Variants in PLPPR2 observed in about 807,000 individuals in gnomAD.
PLPPR2 encodes the protein phospholipid phosphatase-related protein type 2.
In PLPPR2, 11 loss-of-function variants were observed where a neutral mutation model predicts 40.3. That is an observed-to-expected ratio of 0.27 (90% confidence interval 0.17 to 0.45). The LOEUF (loss-of-function observed/expected upper bound fraction) is 0.45. Ranked by LOEUF, PLPPR2 falls within the 20% of genes least tolerant of loss-of-function variation. The probability of loss-of-function intolerance (pLI) is 1.00; values close to 1 mark genes in which losing one functional copy is unlikely to be tolerated. For missense variants in PLPPR2, 497 were observed against 640.7 expected (o/e 0.78, Z 2.42); for synonymous variants, 260 against 290.8 (o/e 0.89, Z 1.08).
At chr19:11,357,771 C>T (rs761640526) in intron 3 of PLPPR2, 32 bp downstream of exon 3, 10 of 1,548,048 alleles carry the variant, frequency 6.5e-6, no homozygotes, top group South Asian at 4.7e-5. Flanking sequence ...CCAGAGACGG[C>T]GTGCCTATCT....
chr19:11,357,760 C>A, intron 3 of PLPPR2, 21 bp downstream of exon 3: 1 of 1,579,328 alleles, frequency 6.3e-7, no homozygotes, highest in Non-Finnish European at 8.6e-7. Context: ...CCGTACCTCT[C>A]CCAGAGACGG....
rs1383736923 is a variant in PLPPR2 at position 11,364,554 on chromosome 19, G to T, written c.1223G>T (p.Gly408Val). 5.9e-6 allele frequency: 9 copies of T among 1,536,640 alleles called. No homozygotes were observed. The East Asian group carries it at 2.2e-4, about 38-fold the overall frequency. The change falls in exon 10 of 10, where the codon GGT becomes GTT. Residue 408 changes from glycine (G) to valine (V), a missense_variant. By Grantham distance (109) the Gly-to-Val change is moderately radical. Transcript: ENST00000688289. This position sits in a 1 kb window ranked among gnomAD's most constrained non-coding sequence, Gnocchi z 5.8. ...SPGPGGPGGGGGRGRKLLLPT... is the reference protein window; with the variant it reads ...SPGPGGPGGGVGRGRKLLLPT... ...GGACCTGGGGGGCCAGGCGGGGGTG[G>T]TGGACGTGGCCGGAAGCTGCTGCTG...
rs1968076802 is a variant in PLPPR2, at chr19:11,362,490, C to G, written c.664-23C>G. On this transcript the variant is annotated intron_variant, in intron 6 of 9. Transcript: ENST00000688289. This position sits in a 1 kb window ranked among gnomAD's most constrained non-coding sequence, Gnocchi z 5.3. ...TCGGCGACTTGCCTCCGCTATCCCCCTGACCAGTCCGGCTCCCCGCAGATG... is the reference window on the plus strand; with the variant it reads ...TCGGCGACTTGCCTCCGCTATCCCCGTGACCAGTCCGGCTCCCCGCAGATG... The G allele has an allele frequency of 6.2e-7, 1 of 1,607,178 alleles. No homozygotes were observed. Among genetic ancestry groups the G allele is most frequent in the Non-Finnish European group, 8.5e-7 (1 of 1,179,926 alleles).
Position 11,364,708 on chromosome 19 carries a change from A to G in PLPPR2, c.*18A>G. ...TGCTGTGAGGCCCGACCACCCACCC[A>G]GAATCTGCCCAGTCCCCACTTCTTC... On this transcript the variant is annotated 3_prime_UTR_variant, in exon 10 of 10. Coordinates refer to ENST00000688289, the MANE Select transcript of PLPPR2 (RefSeq NM_001393892.1). The surrounding 1 kb of genome is among the most constrained non-coding windows in gnomAD (Gnocchi z 5.8). 6.5e-7 allele frequency: 1 copy of G among 1,536,810 alleles called. No individual in the cohort carries two copies. The highest frequency in any genetic ancestry group is 8.7e-7 in the Non-Finnish European group (1 of 1,146,758).
chr19:11,360,315 G>C (rs943173418), intron 5 of PLPPR2, among the ~76,000 whole-genome samples: 1 of 151,684 alleles, frequency 6.6e-6, no homozygotes, highest in Non-Finnish European at 1.5e-5. Flanking sequence ...AAGAATTCCA[G>C]GGAAAAGCTG....
At position 11,364,294 on chromosome 19, in the gene PLPPR2, T is replaced by TA. The variant is rs1555714737; in HGVS notation, c.1016-52dup. On this transcript the variant is annotated intron_variant, in intron 9 of 9. Transcript: ENST00000688289. This position sits in a 1 kb window ranked among gnomAD's most constrained non-coding sequence, Gnocchi z 5.8. ...GCCCCAGAGGTCTCACCTAGGCCTT[T>TA]ATGCTGCCTCCCGAGTTTTCTGATC... 4.6e-6 allele frequency: 7 copies of TA among 1,534,992 alleles called. No individual in the cohort carries two copies. Among genetic ancestry groups the TA allele is most frequent in the Admixed American group, 2.1e-5 (1 of 46,748 alleles).
rs760019245 is a variant in PLPPR2, at chr19:11,361,247, C to T, written c.422C>T (p.Thr141Ile). The T allele has an allele frequency of 1.2e-6, 2 of 1,612,396 alleles. No homozygotes were observed. The highest frequency in any genetic ancestry group is 1.7e-6 in the Non-Finnish European group (2 of 1,179,846). Residue 141 changes from threonine to isoleucine, a missense_variant, in exon 6 of 10, where the codon ACC becomes ATC. By Grantham distance (89) the Thr-to-Ile change is moderately conservative (BLOSUM62 -1). Coordinates refer to ENST00000688289, the MANE Select transcript of PLPPR2 (RefSeq NM_001393892.1). The surrounding 1 kb of genome is among the most constrained non-coding windows in gnomAD (Gnocchi z 6.3). ...TACTCCTTCGGCCTCTTCACCACGA[C>T]CATCTTCGCCAACGCGGGGCAGGTG... ...GVYSFGLFTTTIFANAGQVVT... is the reference protein window; with the variant it reads ...GVYSFGLFTTIIFANAGQVVT...
chr19:11,364,400 A>G lies in PLPPR2; in HGVS notation c.1069A>G (p.Arg357Gly). ...CCTGATCCCCAGCTGTGTCTCCTCC[A>G]GGGCCCCAGCCATGTGTTCGTCGCC... ...GHLIPSCVSSRAPAMCSSPRV... is the reference protein window; with the variant it reads ...GHLIPSCVSSGAPAMCSSPRV... The change falls in exon 10 of 10, where the codon AGG (arginine) becomes GGG (glycine). Residue 357 changes from arginine to glycine, a missense_variant. Physicochemically the swap from Arg to Gly is moderately radical, Grantham distance 125. Coordinates refer to ENST00000688289, the MANE Select transcript of PLPPR2 (RefSeq NM_001393892.1). The surrounding 1 kb of genome is among the most constrained non-coding windows in gnomAD (Gnocchi z 5.8). 2 of 1,519,232 alleles carry G rather than the reference A, an allele frequency of 1.3e-6. No individual in the cohort carries two copies. The highest frequency in any genetic ancestry group is 1.8e-6 in the Non-Finnish European group (2 of 1,134,940). 94.1% of individuals were successfully genotyped at this position (1,519,232 alleles called of 1,614,324 possible).
rs1363428754 is a variant in PLPPR2, at chr19:11,362,088, TAGGGGTC to T, written c.664-419_664-413del. 1.3e-5 allele frequency among the ~76,000 whole-genome samples: 2 copies of T among 152,130 alleles called. No homozygotes were observed. The highest frequency in any genetic ancestry group is 1.3e-4 in the Admixed American group (2 of 15,286). On this transcript the variant is annotated intron_variant, in intron 6 of 9. Coordinates refer to ENST00000688289, the MANE Select transcript of PLPPR2 (RefSeq NM_001393892.1). The surrounding 1 kb of genome is among the most constrained non-coding windows in gnomAD (Gnocchi z 5.3). ...TGCTCCCACCCTGTCAGTGGTCCCC[TAGGGGTC>T]AGGGGCTCCACCTCCTACAGCTCCT...
chr19:11,362,555 G>T lies in PLPPR2; in HGVS notation c.706G>T (p.Val236Phe). 6.2e-7 allele frequency: 1 copy of T among 1,612,252 alleles called. No homozygotes were observed. Among genetic ancestry groups the T allele is most frequent in the Non-Finnish European group, 8.5e-7 (1 of 1,180,008 alleles). Residue 236 changes from valine (V) to phenylalanine (F), a missense_variant, in exon 7 of 10, where the codon GTC becomes TTC. Val to Phe is a conservative substitution (Grantham distance 50). Transcript: ENST00000688289. The surrounding 1 kb of genome is among the most constrained non-coding windows in gnomAD (Gnocchi z 5.3). ...LVFRVKGSRL[V>F]KPSLCLALLC... ...GTTCCGCGTGAAGGGCTCCCGCCTG[G>T]TCAAACCCTCGCTCTGCCTGGCCTT...
rs758754159 is a variant in PLPPR2, at chr19:11,364,422, C to T, written c.1091C>T (p.Ser364Leu). The change falls in exon 10 of 10, where the codon TCG becomes TTG. Residue 364 changes from serine (S) to leucine (L), a missense_variant. Ser to Leu is a moderately radical substitution (Grantham distance 145, BLOSUM62 -2). Coordinates refer to ENST00000688289, the MANE Select transcript of PLPPR2 (RefSeq NM_001393892.1). The surrounding 1 kb of genome is among the most constrained non-coding windows in gnomAD (Gnocchi z 5.8). ...VSSRAPAMCS[S>L]PRVPRPRLRS... is the part of the protein sequence containing the mutation. ...TCCAGGGCCCCAGCCATGTGTTCGT[C>T]GCCCCGTGTGCCCCGTCCTCGATTG... is the stretch of plus-strand genomic sequence containing the variant. 9.2e-6 allele frequency: 14 copies of T among 1,519,120 alleles called. No homozygotes were observed. The highest frequency in any genetic ancestry group is 1.4e-5 in the African/African-American group (1 of 72,006). 94.1% of individuals were successfully genotyped at this position (1,519,120 alleles called of 1,614,324 possible). A position where few individuals can be genotyped will look rare whatever the true frequency, so the allele number is the denominator to read the frequency against.
In PLPPR2 at chr19:11,361,097, C is replaced by T; in HGVS notation, c.392-120C>T. 1.5e-6 allele frequency: 2 copies of T among 1,307,184 alleles called. No homozygotes were observed. Among genetic ancestry groups the T allele is most frequent in the South Asian group, 3.0e-5 (2 of 67,062 alleles). The allele number at this position is 1,307,184 out of a possible 1,614,324, so 81.0% of individuals were successfully genotyped here. The stretch of plus-strand genomic sequence containing the variant: ...TAAAGGAAGGGGGATGTTGGCACAA[C>T]TACAGGGTCCCAAGTGTGCTTTAAT... On this transcript the variant is annotated intron_variant, in intron 5 of 9. Transcript: ENST00000688289. This position sits in a 1 kb window ranked among gnomAD's most constrained non-coding sequence, Gnocchi z 6.3.
At position 11,362,333 on chromosome 19, in the gene PLPPR2, GC is replaced by G; in HGVS notation, c.664-178del. The G allele has an allele frequency of 7.5e-6, 4 of 534,802 alleles. No homozygotes were observed. Among genetic ancestry groups the G allele is most frequent in the Admixed American group, 6.5e-5 (2 of 30,546 alleles). 33.1% of individuals were successfully genotyped at this position (534,802 alleles called of 1,614,324 possible). Reference sequence around the variant, plus strand: ...CTCAATCCCTGACCCCCCCCCCTTTGCCTTTTTGGTCACGCTCCCTGGAAAA... The same window carrying G: ...CTCAATCCCTGACCCCCCCCCCTTTGCTTTTTGGTCACGCTCCCTGGAAAA... On this transcript the variant is annotated intron_variant, in intron 6 of 9. Coordinates refer to ENST00000688289, the MANE Select transcript of PLPPR2 (RefSeq NM_001393892.1). This position sits in a 1 kb window ranked among gnomAD's most constrained non-coding sequence, Gnocchi z 5.3.
Position 11,361,229 on chromosome 19 carries a change from T to A in PLPPR2, c.404T>A (p.Phe135Tyr). ...RLVRFLGVYSFGLFTTTIFAN... is the reference protein window; with the variant it reads ...RLVRFLGVYSYGLFTTTIFAN... ...ATCCCACCCCTAGGGGTCTACTCCT[T>A]CGGCCTCTTCACCACGACCATCTTC... The change falls in exon 6 of 10, where the codon TTC (phenylalanine) becomes TAC (tyrosine). Residue 135 changes from phenylalanine (F) to tyrosine (Y), a missense_variant. Physicochemically the swap from Phe to Tyr is conservative, Grantham distance 22. Coordinates refer to ENST00000688289, the MANE Select transcript of PLPPR2 (RefSeq NM_001393892.1). The surrounding 1 kb of genome is among the most constrained non-coding windows in gnomAD (Gnocchi z 6.3). 6.2e-7 allele frequency: 1 copy of A among 1,609,822 alleles called. No individual in the cohort carries two copies. The highest frequency in any genetic ancestry group is 8.5e-7 in the Non-Finnish European group (1 of 1,179,506).
Position 11,362,542 on chromosome 19 carries a change from G to C in PLPPR2, c.693G>C (p.Lys231Asn). 6.2e-7 allele frequency: 1 copy of C among 1,611,478 alleles called. No individual in the cohort carries two copies. The highest frequency in any genetic ancestry group is 8.5e-7 in the Non-Finnish European group (1 of 1,179,996). ...ACGTGACTCTCGTGTTCCGCGTGAAGGGCTCCCGCCTGGTCAAACCCTCGC... is the reference window on the plus strand; with the variant it reads ...ACGTGACTCTCGTGTTCCGCGTGAACGGCTCCCGCCTGGTCAAACCCTCGC... The part of the protein sequence containing the change: ...AMYVTLVFRV[K>N]GSRLVKPSLC... The change falls in exon 7 of 10, where the codon AAG becomes AAC. Residue 231 changes from lysine to asparagine, a missense_variant. Coordinates refer to ENST00000688289, the MANE Select transcript of PLPPR2 (RefSeq NM_001393892.1). The surrounding 1 kb of genome is among the most constrained non-coding windows in gnomAD (Gnocchi z 5.3).
rs1967835234 is a variant in PLPPR2, at chr19:11,355,519, G to A, written c.-243G>A. The A allele has an allele frequency of 6.6e-6, 1 of 151,980 alleles. No homozygotes were observed. Among genetic ancestry groups the A allele is most frequent in the African/African-American group, 2.4e-5 (1 of 41,382 alleles). The allele number at this position is 151,980 out of a possible 1,614,324, so 9.4% of individuals were successfully genotyped here. On this transcript the variant is annotated 5_prime_UTR_variant, in exon 1 of 10. Transcript: ENST00000688289. ...TGGCAGTCCGTCTGTCCATCCCGCC[G>A]CGCCGGGGCAGTCTAGGCGGAGCGG... is the stretch of plus-strand genomic sequence containing the variant.
intron 2 of PLPPR2, 84 bp from the exon 3 acceptor site, chr19:11,357,576 A>T: frequency 1.0e-6 from 1 of 984,404 alleles, no homozygotes; most frequent in Non-Finnish European, 1.5e-6. Flanking sequence ...CAAAGGACTC[A>T]GGGGATGAAG....
chr19:11,359,712 A>C lies in PLPPR2; in HGVS notation c.247A>C (p.Thr83Pro). The C allele has an allele frequency of 6.3e-7, 1 of 1,590,906 alleles. No homozygotes were observed. The highest frequency in any genetic ancestry group is 8.6e-7 in the Non-Finnish European group (1 of 1,165,352). The change falls in exon 4 of 10, where the codon ACC becomes CCC. Residue 83 changes from threonine (T) to proline (P), a missense_variant. By Grantham distance (38) the Thr-to-Pro change is conservative. Coordinates refer to ENST00000688289, the MANE Select transcript of PLPPR2 (RefSeq NM_001393892.1). This position sits in a 1 kb window ranked among gnomAD's most constrained non-coding sequence, Gnocchi z 5.6. ...LVYALVTAGP[T>P]LTILLGELAR... ...CTACGCACTGGTCACTGCCGGGCCCACCCTCACGGTGAGACAATGAAGACC... is the reference window on the plus strand; with the variant it reads ...CTACGCACTGGTCACTGCCGGGCCCCCCCTCACGGTGAGACAATGAAGACC...
chr19:11,359,478 C>T lies in PLPPR2; in HGVS notation c.67-54C>T. ...CTGCCTCTGTGGCCTCAGCTGGAGTCCTGACCTCTCTCTTCTCTCTCCGCC... is the reference window on the plus strand; with the variant it reads ...CTGCCTCTGTGGCCTCAGCTGGAGTTCTGACCTCTCTCTTCTCTCTCCGCC... On this transcript the variant is annotated intron_variant, in intron 3 of 9. Transcript: ENST00000688289. The surrounding 1 kb of genome is among the most constrained non-coding windows in gnomAD (Gnocchi z 5.6). 1 of 1,484,254 alleles carries T rather than the reference C, an allele frequency of 6.7e-7. No homozygotes were observed. Among genetic ancestry groups the T allele is most frequent in the Non-Finnish European group, 9.0e-7 (1 of 1,111,790 alleles). 91.9% of individuals were successfully genotyped at this position (1,484,254 alleles called of 1,614,324 possible). A position where few individuals can be genotyped will look rare whatever the true frequency, so the allele number is the denominator to read the frequency against.
Sources: allele counts gnomAD v4.1 joint callset (sites outside exome capture counted in the v4.1 genomes callset), GRCh38; gene constraint gnomAD v4.1.1; non-coding constraint Gnocchi (gnomAD v3.1); transcripts MANE v1.5; gene names NCBI Gene and HGNC (gene_info 2026-07-23, HGNC 2026-07-21).